Variants in SERPINA3 observed in about 807,000 individuals in gnomAD.
The protein encoded by SERPINA3 is serpin family A member 3.
SERPINA3 carries 32 observed loss-of-function variants against 26.8 expected under a neutral mutation model. That is an observed-to-expected ratio of 1.20 (90% CI 0.90 to 1.61). The LOEUF (loss-of-function observed/expected upper bound fraction) is 1.61. Ranked by LOEUF, SERPINA3 falls within the 40% of genes most tolerant of loss-of-function variation. SERPINA3 has a pLI of 0.00. For missense variants in SERPINA3, 632 were observed against 517.9 expected, an observed-to-expected ratio of 1.22 and a Z score of -2.14; for synonymous variants, 252 against 206.4, an observed-to-expected ratio of 1.22 and a Z score of -1.89.
Position 94,614,577 on chromosome 14 carries a change from G to C in SERPINA3, c.136G>C (p.Asp46His). The C allele has an allele frequency of 6.2e-7, 1 of 1,614,150 alleles. No homozygotes were observed. Among genetic ancestry groups the C allele is most frequent in the Middle Eastern group, 1.6e-4 (1 of 6,062 alleles). The change falls in exon 2 of 5, where the codon GAC becomes CAC. Residue 46 changes from aspartate to histidine, a missense_variant. Coordinates refer to ENST00000393078, the MANE Select transcript of SERPINA3 (RefSeq NM_001085.5). ...QENQDRGTHVDLGLASANVDF... is the reference protein window; with the variant it reads ...QENQDRGTHVHLGLASANVDF... ...GAACCAAGACCGAGGGACACACGTGGACCTCGGATTAGCCTCCGCCAACGT... is the reference window on the plus strand; with the variant it reads ...GAACCAAGACCGAGGGACACACGTGCACCTCGGATTAGCCTCCGCCAACGT...
chr14:94,613,774 T>C (rs1190146980), intron 1 of SERPINA3: 3 of 152,480 alleles, frequency 2.0e-5, no homozygotes, highest in African/African-American at 7.2e-5. Context: ...TTGCCTTTCT[T>C]TGGTCTTGCT....
Position 94,622,485 on chromosome 14 carries a change from C to G in SERPINA3, c.1062C>G (p.Val354=), listed in dbSNP as rs369574957. The G allele has an allele frequency of 6.2e-7, 1 of 1,613,950 alleles. No individual in the cohort carries two copies. Among genetic ancestry groups the G allele is most frequent in the African/African-American group, 1.3e-5 (1 of 74,914 alleles). ...TCACAGGGGCCAGGAACCTAGCAGT[C>G]TCCCAGGTGAGTCTTTAGACTTGGG... ...SGITGARNLA[V]SQVVHKAVLD... The change falls in exon 4 of 5, where the codon GTC becomes GTG. Residue 354 remains valine, a synonymous_variant. Coordinates refer to ENST00000393078, the MANE Select transcript of SERPINA3 (RefSeq NM_001085.5).
chr14:94,623,694 T>C lies in SERPINA3; in HGVS notation c.1152T>C (p.Ser384=), dbSNP rs1186335801. ...AATAVKITLL[S]ALVETRTIVR... is the part of the protein sequence containing the mutation. The stretch of plus-strand genomic sequence containing the variant: ...CAGCAGTCAAAATCACCCTCCTTTC[T>C]GCATTAGTGGAGACAAGGACCATTG... The change falls in exon 5 of 5, where the codon TCT becomes TCC. Residue 384 remains serine (S), a synonymous_variant. Transcript: ENST00000393078. The C allele has an allele frequency of 6.2e-7, 1 of 1,614,172 alleles. No individual in the cohort carries two copies. The highest frequency in any genetic ancestry group is 2.2e-5 in the East Asian group (1 of 44,888).
chr14:94,622,574 G>A, intron 4 of SERPINA3, 83 bp downstream of exon 4: 2 of 1,497,884 alleles, frequency 1.3e-6, no homozygotes. Context: ...GGGTACTCTT[G>A]AACTTGGGTT....
intron 1 of SERPINA3, among the ~76,000 whole-genome samples, chr14:94,613,119 C>T (rs901297807): frequency 2.6e-5 from 4 of 152,118 alleles, no homozygotes; most frequent in African/African-American, 9.7e-5. Context: ...AACAAGGTGC[C>T]TCTGTCCCTG....
At chr14:94,616,187 T>G (rs1885991597) in intron 2 of SERPINA3, among the ~76,000 whole-genome samples, 1 of 152,166 alleles carries the variant, frequency 6.6e-6, no homozygotes, top group Non-Finnish European at 1.5e-5. Context: ...GTAGCCAGCC[T>G]AGCTTTCCCC....
intron 2 of SERPINA3, chr14:94,618,968 C>A: frequency 5.0e-6 from 3 of 602,682 alleles, no homozygotes; most frequent in East Asian, 5.6e-5. Context: ...ATTGATTTCT[C>A]ATTTAGCACA....
In SERPINA3 at chr14:94,614,746, GCCTCAAGTTCAA is replaced by G. The variant is rs1189913782; in HGVS notation, c.311_322del (p.Lys104_Leu107del). 1.9e-6 allele frequency: 3 copies of G among 1,613,996 alleles called. No homozygotes were observed. The African/African-American group carries it at 4.0e-5, about 22-fold the overall frequency. On this transcript the variant is annotated inframe_deletion, in exon 2 of 5. Transcript: ENST00000393078. ...ACCACCCTGACAGAGATTCTCAAAG[GCCTCAAGTTCAA>G]CCTCACGGAGACTTCTGAGGCAGAA...
At chr14:94,622,632 C>T in intron 4 of SERPINA3, 141 bp downstream of exon 4, 1 of 940,080 alleles carries the variant, frequency 1.1e-6, no homozygotes, top group Non-Finnish European at 1.7e-6. Flanking sequence ...TGGGACACCC[C>T]CAAGCCAAGA....
chr14:94,616,434 G>A (rs1052472514), intron 2 of SERPINA3, among the ~76,000 whole-genome samples: 4 of 152,138 alleles, frequency 2.6e-5, no homozygotes, highest in Non-Finnish European at 5.9e-5. Context: ...TGTATGTGAC[G>A]GGGCTTGGTC....
intron 2 of SERPINA3, among the ~76,000 whole-genome samples, chr14:94,615,956 T>C (rs566512254): frequency 1.2e-4 from 19 of 152,170 alleles, no homozygotes; most frequent in African/African-American, 4.3e-4. Flanking sequence ...TTAGGAGACA[T>C]GAGCTGCTTG....
chr14:94,617,545 G>T (rs919220021), intron 2 of SERPINA3: 1 of 152,208 alleles, frequency 6.6e-6, no homozygotes, highest in African/African-American at 2.4e-5. Flanking sequence ...GCAATACCTC[G>T]TTTAATTCTC....
At chr14:94,622,580 G>C in intron 4 of SERPINA3, 89 bp downstream of exon 4, 2 of 1,431,294 alleles carry the variant, frequency 1.4e-6, no homozygotes, top group East Asian at 2.4e-5. Context: ...TCTTGAACTT[G>C]GGTTAATGCA....
In SERPINA3 at chr14:94,614,840, G is replaced by A. The variant is rs749162823; in HGVS notation, c.399G>A (p.Leu133=). 6.2e-7 allele frequency: 1 copy of A among 1,614,162 alleles called. No homozygotes were observed. The highest frequency in any genetic ancestry group is 8.5e-7 in the Non-Finnish European group (1 of 1,180,040). ...LRTLNQSSDE[L]QLSMGNAMFV... ...CCCTCAATCAGTCCAGCGATGAGCT[G>A]CAGCTGAGTATGGGAAATGCCATGT... is the stretch of plus-strand genomic sequence containing the variant. The change falls in exon 2 of 5, where the codon CTG becomes CTA. Residue 133 remains leucine (L), a synonymous_variant. Coordinates refer to ENST00000393078, the MANE Select transcript of SERPINA3 (RefSeq NM_001085.5).
Position 94,619,289 on chromosome 14 carries a change from G to A in SERPINA3, c.738G>A (p.Leu246=). The change falls in exon 3 of 5, where the codon TTG becomes TTA. Residue 246 remains leucine (L), a synonymous_variant. Coordinates refer to ENST00000393078, the MANE Select transcript of SERPINA3 (RefSeq NM_001085.5). ...KKWVMVPMMS[L]HHLTIPYFRD... is the part of the protein sequence containing the mutation. ...GGGTAATGGTGCCCATGATGAGTTT[G>A]CATCACCTGACTATACCTTACTTCC... is the stretch of plus-strand genomic sequence containing the variant. 6.2e-7 allele frequency: 1 copy of A among 1,614,192 alleles called. No homozygotes were observed. The highest frequency in any genetic ancestry group is 8.5e-7 in the Non-Finnish European group (1 of 1,180,034).
chr14:94,619,448 G>A lies in SERPINA3; in HGVS notation c.897G>A (p.Trp299Ter). 1 of 1,614,148 alleles carries A rather than the reference G, an allele frequency of 6.2e-7. No homozygotes were observed. The highest frequency in any genetic ancestry group is 8.5e-7 in the Non-Finnish European group (1 of 1,180,038). The change falls in exon 3 of 5, where the codon TGG becomes TGA. Residue 299 changes from tryptophan to a stop codon, truncating the protein, a stop_gained. Transcript: ENST00000393078. LOFTEE classifies it high-confidence loss of function. ...AMLLPETLKRWRDSLEFREIG... is the reference protein window; with the variant it reads ...AMLLPETLKR ...TGCTCCCAGAGACCCTGAAGCGGTG[G>A]AGAGACTCTCTGGAGTTCAGGTGAT...
chr14:94,614,470 TG>T lies in SERPINA3; in HGVS notation c.33del (p.Leu12SerfsTer23), dbSNP rs1885904098. 6.2e-7 allele frequency: 1 copy of T among 1,613,966 alleles called. No individual in the cohort carries two copies. Among genetic ancestry groups the T allele is most frequent in the Admixed American group, 1.7e-5 (1 of 60,006 alleles). ...GAGAGAATGTTACCTCTCCTGGCTC[TG>T]GGGCTCTTGGCGGCTGGGTTCTGCC... MERMLPLLA[L>X]GLLAAGFCPA... On this transcript the variant is annotated frameshift_variant, in exon 2 of 5. Coordinates refer to ENST00000393078, the MANE Select transcript of SERPINA3 (RefSeq NM_001085.5). LOFTEE classifies it high-confidence loss of function.
At position 94,622,510 on chromosome 14, in the gene SERPINA3, G is replaced by A. The variant is rs11625058; in HGVS notation, c.1068+19G>A. ...CTCCCAGGTGAGTCTTTAGACTTGG[G>A]TCAATTCATCCTTTGTATCCGAACT... On this transcript the variant is annotated intron_variant, in intron 4 of 4. Coordinates refer to ENST00000393078, the MANE Select transcript of SERPINA3 (RefSeq NM_001085.5). The A allele has an allele frequency of 0.052, 83,707 of 1,613,392 alleles. 2,509 individuals carry two copies. The highest frequency in any genetic ancestry group is 0.061 in the Non-Finnish European group (72,153 of 1,179,552).
chr14:94,615,405 G>T, intron 2 of SERPINA3: 1 of 490,950 alleles, frequency 2.0e-6, no homozygotes, highest in Non-Finnish European at 4.0e-6. Flanking sequence ...ACTCCAGGGC[G>T]CGTAGGAGCT....
Sources: gnomAD v4.1 joint callset for allele counts (sites outside exome capture counted in the v4.1 genomes callset) on GRCh38, gnomAD v4.1.1 for gene constraint, MANE v1.5 for transcripts, NCBI Gene and HGNC (gene_info 2026-07-23, HGNC 2026-07-21) for gene names.